The following PIP variants were observed in gnomAD, a reference collection of about 807,000 sequenced individuals.
The protein encoded by PIP is prolactin induced protein, also known as prolactin-inducible protein.
Under a neutral mutation model 12.8 loss-of-function variants are expected in PIP, and 9 were observed. The observed-to-expected ratio is 0.70, with a 90% CI of 0.42 to 1.23. PIP has a LOEUF of 1.23. Among genes scored for constraint, PIP ranks in the 50% most tolerant of loss-of-function variants. The pLI is 0.00. For missense variants in PIP, 172 were observed against 179.5 expected, an observed-to-expected ratio of 0.96 and a Z score of 0.24; for synonymous variants, 60 against 66.1, an observed-to-expected ratio of 0.91 and a Z score of 0.45.
intron 1 of PIP, 70 bp from the exon 2 acceptor site, chr7:143,135,124 T>C (rs1799293418): frequency 2.6e-6 from 2 of 779,908 alleles, no homozygotes; most frequent in Non-Finnish European, 4.5e-6. Context: ...CTTGCCCTGT[T>C]CATGGCTCCC....
intron 1 of PIP, among the ~76,000 whole-genome samples, chr7:143,134,666 T>C (rs1188801646): frequency 6.6e-6 from 1 of 152,012 alleles, no homozygotes; most frequent in Non-Finnish European, 1.5e-5. Flanking sequence ...TAATAATGAC[T>C]TGAGCCCTCC....
chr7:143,133,856 A>T (rs750657237), intron 1 of PIP, among the ~76,000 whole-genome samples: 25 of 151,606 alleles, frequency 1.6e-4, no homozygotes, highest in Non-Finnish European at 2.8e-4. Flanking sequence ...ACTGGGGTAC[A>T]AGTGGTATTT....
At chr7:143,139,431 C>A (rs535723777) in intron 3 of PIP, 87 bp from the exon 4 acceptor site, 5 of 1,517,594 alleles carry the variant, frequency 3.3e-6, no homozygotes, top group Non-Finnish European at 4.5e-6. Context: ...GAAACTGAAC[C>A]CCAGGGGGCA....
At chr7:143,134,519 A>T (rs1230468127) in intron 1 of PIP, among the ~76,000 whole-genome samples, 1 of 151,702 alleles carries the variant, frequency 6.6e-6, no homozygotes, top group Non-Finnish European at 1.5e-5. Context: ...CCACGCCAAC[A>T]TCTACTGTTT....
At chr7:143,132,757 T>C (rs1799256883) in intron 1 of PIP, among the ~76,000 whole-genome samples, 1 of 152,088 alleles carries the variant, frequency 6.6e-6, no homozygotes, top group Admixed American at 6.6e-5. Flanking sequence ...CTCTCACGTA[T>C]ACTGGGACCT....
At chr7:143,134,224 ATATATAT>A (rs1563015848) in intron 1 of PIP, among the ~76,000 whole-genome samples, 10 of 102,464 alleles carry the variant, frequency 9.8e-5, no homozygotes, top group African/African-American at 3.5e-4. Flanking sequence ...ATATATATAT[ATATATAT>A]ATACCACAGT....
At position 143,139,099 on chromosome 7, in the gene PIP, A is replaced by T; in HGVS notation, c.226A>T (p.Ile76Phe). 2 of 1,588,582 alleles carry T rather than the reference A, an allele frequency of 1.3e-6. No homozygotes were observed. The highest frequency in any genetic ancestry group is 1.7e-6 in the Non-Finnish European group (2 of 1,156,362). Reference sequence around the variant, plus strand: ...GGTTAAAACTTACCTCATTAGCAGCATCCCTCTACAAGGTGCATTTAACTA... The same window carrying T: ...GGTTAAAACTTACCTCATTAGCAGCTTCCCTCTACAAGGTGCATTTAACTA... ...MVVKTYLISS[I>F]PLQGAFNYKY... Residue 76 changes from isoleucine (I) to phenylalanine (F), a missense_variant, in exon 3 of 4, where the codon ATC becomes TTC. Transcript: ENST00000291009.
At chr7:143,134,910 A>G (rs1409749498) in intron 1 of PIP, among the ~76,000 whole-genome samples, 1 of 152,036 alleles carries the variant, frequency 6.6e-6, no homozygotes, top group Non-Finnish European at 1.5e-5. Context: ...CTGGGTAGAT[A>G]CCCAGTAGTG....
chr7:143,132,288 C>T (rs1396157518), intron 1 of PIP, 77 bp downstream of exon 1: 5 of 1,515,472 alleles, frequency 3.3e-6, no homozygotes, highest in Non-Finnish European at 4.5e-6. Context: ...TTACATATCT[C>T]TTTCTGAGAA....
rs80073874 is a variant in PIP, at chr7:143,133,690, T to C, written c.95+1479T>C. Among the ~76,000 whole-genome samples the C allele has an allele frequency of 3.9e-5, 6 of 152,156 alleles. No homozygotes were observed. The East Asian group carries it at 9.7e-4, about 24-fold the overall frequency. ...CCCAAACATGGCCATATGTCCAAAT[T>C]TCCTAAGGAGCTAAATAAATACAAA... is the stretch of plus-strand genomic sequence containing the variant. On this transcript the variant is annotated intron_variant, in intron 1 of 3. Coordinates refer to ENST00000291009, the MANE Select transcript of PIP (RefSeq NM_002652.3).
rs548371150 is a variant in PIP at position 143,135,178 on chromosome 7, C to G, written c.96-16C>G. ...TCTCTGATCCTGGTGTTCTGATTCTCTCTTCCCACAATCAGTCGGAAGATC... is the reference window on the plus strand; with the variant it reads ...TCTCTGATCCTGGTGTTCTGATTCTGTCTTCCCACAATCAGTCGGAAGATC... On this transcript the variant is annotated splice_polypyrimidine_tract_variant and intron_variant, in intron 1 of 3. Coordinates refer to ENST00000291009, the MANE Select transcript of PIP (RefSeq NM_002652.3). 231 of 1,372,234 alleles carry G rather than the reference C, an allele frequency of 1.7e-4. No individual in the cohort carries two copies. The highest frequency in any genetic ancestry group is 2.3e-4 in the Non-Finnish European group (219 of 961,990). The allele number at this position is 1,372,234 out of a possible 1,614,324, so 85.0% of individuals were successfully genotyped here. A position where few individuals can be genotyped will look rare whatever the true frequency, so the allele number is the denominator to read the frequency against.
Position 143,132,333 on chromosome 7 carries a change from G to A in PIP, c.95+122G>A, listed in dbSNP as rs1253885492. ...ACTTCCCAGAACTCTAGTCCCAGGA[G>A]CTCCCATGGATCTCCTGCCAGGTTC... On this transcript the variant is annotated intron_variant, in intron 1 of 3. Coordinates refer to ENST00000291009, the MANE Select transcript of PIP (RefSeq NM_002652.3). 2.0e-5 allele frequency: 23 copies of A among 1,130,844 alleles called. No homozygotes were observed. The Middle Eastern group carries it at 6.3e-4, about 31-fold the overall frequency. 70.1% of individuals were successfully genotyped at this position (1,130,844 alleles called of 1,614,324 possible).
intron 1 of PIP, 78 bp from the exon 2 acceptor site, chr7:143,135,116 T>C: frequency 1.4e-6 from 1 of 712,180 alleles, no homozygotes. Flanking sequence ...CTGTGCCCCT[T>C]GCCCTGTTCA....
intron 1 of PIP, among the ~76,000 whole-genome samples, 172 bp from the exon 2 acceptor site, chr7:143,135,022 A>T (rs1432301094): frequency 6.6e-6 from 1 of 152,098 alleles, no homozygotes; most frequent in African/African-American, 2.4e-5. Flanking sequence ...TGAAGTTACC[A>T]ATCCAATCAA....
chr7:143,132,127 T>C lies in PIP; in HGVS notation c.11T>C (p.Leu4Pro). Reference protein sequence around the residue: MRLLQLLFRASPAT... With the variant: MRLPQLLFRASPAT... ...TCTGTTTTCTCCAGCATGCGCTTGC[T>C]CCAGCTCCTGTTCAGGGCCAGCCCT... Residue 4 changes from leucine to proline, a missense_variant, in exon 1 of 4, where the codon CTC (leucine) becomes CCC (proline). Leu to Pro is a moderately conservative substitution (Grantham distance 98). Coordinates refer to ENST00000291009, the MANE Select transcript of PIP (RefSeq NM_002652.3). The C allele has an allele frequency of 6.2e-7, 1 of 1,612,742 alleles. No homozygotes were observed. Among genetic ancestry groups the C allele is most frequent in the Non-Finnish European group, 8.5e-7 (1 of 1,178,782 alleles).
At chr7:143,133,614 TC>T (rs1799267047) in intron 1 of PIP, among the ~76,000 whole-genome samples, 1 of 152,024 alleles carries the variant, frequency 6.6e-6, no homozygotes, top group Admixed American at 6.6e-5. Context: ...CCATTTCCTT[TC>T]CTTTTCAGAT....
chr7:143,133,812 T>A lies in PIP; in HGVS notation c.96-1382T>A, dbSNP rs540954716. Among the ~76,000 whole-genome samples the A allele has an allele frequency of 3.8e-3, 574 of 151,964 alleles. 9 individuals are homozygous for A. Among genetic ancestry groups the A allele is most frequent in the Middle Eastern group, 0.017 (5 of 292 alleles). On this transcript the variant is annotated intron_variant, in intron 1 of 3. Coordinates refer to ENST00000291009, the MANE Select transcript of PIP (RefSeq NM_002652.3). ...TGAGATGTTTGCTGGGTTTTTAAAA[T>A]TTTTTATTATTTTATTTTATTTTTC...
In PIP at chr7:143,133,399, C is replaced by A. The variant is rs566573250; in HGVS notation, c.95+1188C>A. 2.4e-3 allele frequency among the ~76,000 whole-genome samples: 370 copies of A among 152,026 alleles called. 4 individuals carry two copies. The highest frequency in any genetic ancestry group is 4.6e-3 in the Non-Finnish European group (314 of 67,928). ...GCACTGGGCACTACAGCAGTTGGCA[C>A]CAAAAAATAGAATCTCTCTAAGATG... is the stretch of plus-strand genomic sequence containing the variant. On this transcript the variant is annotated intron_variant, in intron 1 of 3. Transcript: ENST00000291009.
intron 1 of PIP, 54 bp from the exon 2 acceptor site, chr7:143,135,140 A>G: frequency 1.1e-6 from 1 of 890,554 alleles, no homozygotes; most frequent in Non-Finnish European, 1.9e-6. Flanking sequence ...CTCCCCCCTC[A>G]CTCAAAGATT....
Sources: allele counts gnomAD v4.1 joint callset (sites outside exome capture counted in the v4.1 genomes callset), GRCh38; gene constraint gnomAD v4.1.1; transcripts MANE v1.5; gene names NCBI Gene and HGNC (gene_info 2026-07-23, HGNC 2026-07-21).